The following BLVRA variants were observed in gnomAD, a reference collection of about 807,000 sequenced individuals.
The protein encoded by BLVRA is BVR A.
Under a neutral mutation model 32.8 loss-of-function variants are expected in BLVRA, and 22 were observed. The ratio of observed to expected loss-of-function variants is 0.67; its 90% confidence interval spans 0.48 to 0.96. The LOEUF (loss-of-function observed/expected upper bound fraction) is 0.96, where lower values mean the gene tolerates loss of function less well. BLVRA is among the 40% of genes least tolerant of loss of function. BLVRA has a pLI of 0.00. For synonymous variants in BLVRA, 119 were observed against 141.3 expected (o/e 0.84, Z 1.12); for missense variants, 323 against 358.1 (o/e 0.90, Z 0.79).
At chr7:43,803,070 A>C (rs1429653845) in intron 6 of BLVRA, among the ~76,000 whole-genome samples, 1 of 152,176 alleles carries the variant, frequency 6.6e-6, no homozygotes, top group Non-Finnish European at 1.5e-5. Flanking sequence ...TGTTCACAAG[A>C]TTAGGAAGAC....
intron 2 of BLVRA, among the ~76,000 whole-genome samples, chr7:43,780,073 T>C (rs1432448627): frequency 6.6e-6 from 1 of 152,046 alleles, no homozygotes; most frequent in Non-Finnish European, 1.5e-5. Flanking sequence ...GGTTTCACTA[T>C]GTTGGCCAGG....
chr7:43,762,292 C>T (rs1346518635), intron 1 of BLVRA, among the ~76,000 whole-genome samples: 1 of 151,938 alleles, frequency 6.6e-6, no homozygotes, highest in Non-Finnish European at 1.5e-5. Context: ...CCTGGCCTTT[C>T]CCTACTAGAT....
intron 4 of BLVRA, 135 bp downstream of exon 4, chr7:43,791,503 C>A: frequency 1.1e-6 from 1 of 918,650 alleles, no homozygotes; most frequent in South Asian, 1.4e-5. Context: ...TGACCAATCA[C>A]AGAAGTGTCA....
chr7:43,761,079 T>C (rs564278814), intron 1 of BLVRA, among the ~76,000 whole-genome samples: 1 of 152,304 alleles, frequency 6.6e-6, no homozygotes, highest in African/African-American at 2.4e-5. Context: ...CTCTCTTCCG[T>C]CTTTGAGCTG....
intron 1 of BLVRA, among the ~76,000 whole-genome samples, chr7:43,761,005 G>T (rs1455351583): frequency 2.0e-5 from 3 of 152,154 alleles, no homozygotes; most frequent in Admixed American, 2.0e-4. Context: ...CTGACCTCAA[G>T]TAATCCACCC....
chr7:43,766,256 A>G (rs1024482465), intron 1 of BLVRA, among the ~76,000 whole-genome samples: 1 of 150,284 alleles, frequency 6.7e-6, no homozygotes, highest in Non-Finnish European at 1.5e-5. Flanking sequence ...ATTGCACTCC[A>G]GCCTGAGTGA....
intron 2 of BLVRA, among the ~76,000 whole-genome samples, chr7:43,774,135 T>C (rs1476439066): frequency 1.3e-4 from 20 of 151,044 alleles, no homozygotes; most frequent in Admixed American, 5.3e-4. Flanking sequence ...CAGAAGCTCT[T>C]TAGTTTAATT....
At chr7:43,797,763 C>T (rs1585740165) in intron 5 of BLVRA, among the ~76,000 whole-genome samples, 1 of 152,300 alleles carries the variant, frequency 6.6e-6, no homozygotes, top group East Asian at 1.9e-4. Context: ...TAGTGTCCTT[C>T]ATTCTGGACA....
chr7:43,778,974 TCTC>T (rs1425462414), intron 2 of BLVRA, among the ~76,000 whole-genome samples: 1 of 152,196 alleles, frequency 6.6e-6, no homozygotes, highest in Non-Finnish European at 1.5e-5. Context: ...CAGAATATAA[TCTC>T]CTGTTGTGCT....
In BLVRA at chr7:43,772,152, C is replaced by T. The variant is rs990922410; in HGVS notation, c.12+982C>T. Among the ~76,000 whole-genome samples, 7 of 152,318 alleles carry T rather than the reference C, an allele frequency of 4.6e-5. No individual in the cohort carries two copies. The South Asian group carries it at 8.3e-4, about 18-fold the overall frequency. ...AGGGCAGGCTTCAGGGCTGGTCGAT[C>T]CTGCGGCTCAGTGACTGCCTCAAGG... On this transcript the variant is annotated intron_variant, in intron 2 of 7. Transcript: ENST00000265523.
In BLVRA at chr7:43,768,629, A is replaced by G. The variant is rs1423359204; in HGVS notation, c.-21-2509A>G. 3.9e-5 allele frequency among the ~76,000 whole-genome samples: 6 copies of G among 152,024 alleles called. No individual in the cohort carries two copies. In the South Asian group the frequency reaches 1.2e-3, roughly 32 times the overall value. ...TCACATCTGTTCTCATCCTCCTCAC[A>G]TTTGGGTGTTCTGTTATCTGTTATC... On this transcript the variant is annotated intron_variant, in intron 1 of 7. Coordinates refer to ENST00000265523, the MANE Select transcript of BLVRA (RefSeq NM_000712.4).
chr7:43,801,518 G>T (rs548830470), intron 6 of BLVRA, among the ~76,000 whole-genome samples: 1 of 152,242 alleles, frequency 6.6e-6, no homozygotes, highest in Non-Finnish European at 1.5e-5. Flanking sequence ...TTTTTGCACG[G>T]TAAAGCCACT....
intron 2 of BLVRA, among the ~76,000 whole-genome samples, chr7:43,773,974 T>C (rs1373637159): frequency 1.3e-5 from 2 of 152,074 alleles, no homozygotes; most frequent in East Asian, 3.8e-4. Flanking sequence ...TCGCCCACTT[T>C]TTGATGGGGT....
At chr7:43,790,962 C>T (rs747641623) in intron 3 of BLVRA, among the ~76,000 whole-genome samples, 6 of 152,176 alleles carry the variant, frequency 3.9e-5, no homozygotes, top group East Asian at 1.9e-4. Flanking sequence ...CTTGAGCCAC[C>T]GCGCCCAGCT....
chr7:43,771,718 A>G (rs929304339), intron 2 of BLVRA, among the ~76,000 whole-genome samples: 14 of 152,318 alleles, frequency 9.2e-5, no homozygotes, highest in Admixed American at 3.3e-4. Flanking sequence ...GCAAACACAG[A>G]GGCCATCCCC....
chr7:43,787,904 C>A lies in BLVRA; in HGVS notation c.13C>A (p.Pro5Thr), dbSNP rs140584840. ...TCCACCTTGGTCCCTTGTGTTTCAG[C>A]CCGAGAGGAAGTTTGGCGTGGTGGT... MNAE[P>T]ERKFGVVVVG... The change falls in exon 3 of 8, where the codon CCC (proline) becomes ACC (threonine). Residue 5 changes from proline to threonine, a missense_variant and splice_region_variant. Physicochemically the swap from Pro to Thr is conservative, Grantham distance 38 (BLOSUM62 -1). Transcript: ENST00000265523. The surrounding 1 kb of genome is among the most constrained non-coding windows in gnomAD (Gnocchi z 4.5). 1.3e-4 allele frequency: 203 copies of A among 1,614,144 alleles called. 1 individual carries two copies. In the African/African-American group the frequency reaches 2.5e-3, roughly 20 times the overall value.
intron 2 of BLVRA, among the ~76,000 whole-genome samples, chr7:43,772,025 C>A (rs540350775): frequency 6.6e-6 from 1 of 152,222 alleles, no homozygotes; most frequent in African/African-American, 2.4e-5. Context: ...TTGTCCTGTT[C>A]CTCCTGTCAC....
chr7:43,794,141 T>G (rs1341266610), intron 5 of BLVRA, among the ~76,000 whole-genome samples: 1 of 151,412 alleles, frequency 6.6e-6, no homozygotes, highest in Non-Finnish European at 1.5e-5. Context: ...TACTTGGAAG[T>G]TCACCTGAAC....
intron 7 of BLVRA, among the ~76,000 whole-genome samples, chr7:43,806,032 G>T (rs1369517610): frequency 1.3e-5 from 2 of 152,254 alleles, no homozygotes; most frequent in African/African-American, 4.8e-5. Flanking sequence ...GACATGAGAG[G>T]CCGGGCACAA....
Sources: gnomAD v4.1 joint callset for allele counts (sites outside exome capture counted in the v4.1 genomes callset) on GRCh38, gnomAD v4.1.1 for gene constraint, Gnocchi (gnomAD v3.1) non-coding constraint, MANE v1.5 for transcripts, NCBI Gene and HGNC (gene_info 2026-07-23, HGNC 2026-07-21) for gene names.